SLIT3: variants seen among roughly 807,000 people sequenced by gnomAD.
The protein encoded by SLIT3 is slit guidance ligand 3, also known as slit homolog 3 protein.
Under a neutral mutation model 184.0 loss-of-function variants are expected in SLIT3, and 68 were observed. The observed-to-expected ratio is 0.37, with a 90% CI of 0.30 to 0.45. The LOEUF (loss-of-function observed/expected upper bound fraction) is 0.45, where lower values mean the gene tolerates loss of function less well. Among genes scored for constraint, SLIT3 ranks in the 20% least tolerant of loss-of-function variants. The pLI, the probability that SLIT3 is intolerant of heterozygous loss-of-function variation, is 1.00. For missense variants in SLIT3, 1,707 were observed against 2,026.0 expected (o/e 0.84, Z 3.02); for synonymous variants, 831 against 828.6 (o/e 1.00, Z -0.05).
At chr5:168,963,374 G>A (rs751868858) in intron 4 of SLIT3, among the ~76,000 whole-genome samples, 9 of 152,026 alleles carry the variant, frequency 5.9e-5, no homozygotes, top group South Asian at 2.1e-4. Flanking sequence ...GTTTCTCCAC[G>A]TTGGCCAGGC....
At chr5:168,981,560 G>C (rs1028955432) in intron 4 of SLIT3, among the ~76,000 whole-genome samples, 2 of 152,124 alleles carry the variant, frequency 1.3e-5, no homozygotes, top group Non-Finnish European at 2.9e-5. Context: ...AGCAGACACT[G>C]ATCCTGCCAA....
At chr5:168,975,716 T>TC (rs769075147) in intron 4 of SLIT3, among the ~76,000 whole-genome samples, 3 of 152,220 alleles carry the variant, frequency 2.0e-5, no homozygotes, top group African/African-American at 7.2e-5. Context: ...CCCTGGATTT[T>TC]CCCCTTTGCT....
chr5:168,761,338 C>T (rs762943581), intron 15 of SLIT3, among the ~76,000 whole-genome samples: 1 of 152,186 alleles, frequency 6.6e-6, no homozygotes, highest in Non-Finnish European at 1.5e-5. Flanking sequence ...GCACTTCCCT[C>T]TACCAGGAGC....
intron 3 of SLIT3, among the ~76,000 whole-genome samples, chr5:169,219,324 T>C (rs993264057): frequency 1.3e-5 from 2 of 152,264 alleles, no homozygotes; most frequent in African/African-American, 2.4e-5. Context: ...TATAAGTACA[T>C]TGTAGGTTTT....
chr5:169,160,114 G>A (rs1762431479), intron 4 of SLIT3, among the ~76,000 whole-genome samples: 1 of 152,130 alleles, frequency 6.6e-6, no homozygotes, highest in Non-Finnish European at 1.5e-5. Flanking sequence ...ATTACTAAGG[G>A]GTTTTATGTT....
In SLIT3 at chr5:169,144,266, TC is replaced by T. The variant is rs562265716; in HGVS notation, c.413+49212del. On this transcript the variant is annotated intron_variant, in intron 4 of 35. Transcript: ENST00000519560. ...TCTTCCCTAGGAGCAGAATGCTCCT[TC>T]CCTCCCATGTTTACCTTGCTGAGTT... Among the ~76,000 whole-genome samples the T allele has an allele frequency of 1.1e-3, 167 of 152,294 alleles. 4 individuals are homozygous for T. The highest frequency in any genetic ancestry group is 1.5e-4 in the Non-Finnish European group (10 of 68,020).
intron 4 of SLIT3, among the ~76,000 whole-genome samples, chr5:169,163,736 A>G (rs867177641): frequency 6.6e-6 from 1 of 151,844 alleles, no homozygotes; most frequent in Non-Finnish European, 1.5e-5. Context: ...CAGAGAGCAT[A>G]TCGGGAAATA....
At chr5:169,287,856 C>A (rs1479013444) in intron 1 of SLIT3, among the ~76,000 whole-genome samples, 1 of 152,126 alleles carries the variant, frequency 6.6e-6, no homozygotes, top group Non-Finnish European at 1.5e-5. Context: ...ACAGCCACAG[C>A]ATAGGTCTCC....
intron 4 of SLIT3, among the ~76,000 whole-genome samples, chr5:169,044,462 C>T (rs1164943840): frequency 6.6e-6 from 1 of 151,798 alleles, no homozygotes; most frequent in Non-Finnish European, 1.5e-5. Context: ...TGAAAACATG[C>T]TAAATGATAG....
At chr5:168,891,739 C>T (rs1221795152) in intron 4 of SLIT3, among the ~76,000 whole-genome samples, 3 of 152,170 alleles carry the variant, frequency 2.0e-5, no homozygotes. Context: ...CAAAATGCTA[C>T]AGATGGAGTT....
chr5:169,187,563 T>C (rs1165098408), intron 4 of SLIT3, among the ~76,000 whole-genome samples: 7 of 150,390 alleles, frequency 4.7e-5, no homozygotes, highest in East Asian at 2.0e-4. Flanking sequence ...TTCTTTCTTT[T>C]TTTTTTTTTT....
chr5:169,130,128 T>A (rs1239427309), intron 4 of SLIT3, among the ~76,000 whole-genome samples: 1 of 152,302 alleles, frequency 6.6e-6, no homozygotes. Flanking sequence ...ATTACAGGCA[T>A]GAGCCACCGT....
rs191762765 is a variant in SLIT3 at position 168,827,135 on chromosome 5, T to G, written c.558-3804A>C. On this transcript the variant is annotated intron_variant, in intron 6 of 35. Transcript: ENST00000519560. ...TTTTAATATCACCTCCATTTCATGA[T>G]TGAAGCATGTGGTAGTGCCAAGATT... is the stretch of plus-strand genomic sequence containing the variant. Among the ~76,000 whole-genome samples, 134 of 152,322 alleles carry G rather than the reference T, an allele frequency of 8.8e-4. 1 individual carries two copies. Among genetic ancestry groups the G allele is most frequent in the African/African-American group, 2.9e-3 (122 of 41,576 alleles).
intron 3 of SLIT3, among the ~76,000 whole-genome samples, chr5:169,240,825 T>C (rs1292462391): frequency 6.6e-6 from 1 of 151,674 alleles, no homozygotes; most frequent in Non-Finnish European, 1.5e-5. Context: ...TTTTAATTCA[T>C]ATTTTGTATC....
chr5:169,228,308 C>T (rs997706505), intron 3 of SLIT3, among the ~76,000 whole-genome samples: 24 of 152,028 alleles, frequency 1.6e-4, no homozygotes, highest in Admixed American at 1.4e-3. Flanking sequence ...GCCAAAAAGG[C>T]CTCCCCAGGG....
At chr5:168,765,437 T>C (rs1755307606) in intron 14 of SLIT3, among the ~76,000 whole-genome samples, 1 of 152,196 alleles carries the variant, frequency 6.6e-6, no homozygotes, top group South Asian at 2.1e-4. Flanking sequence ...TGATATTTTA[T>C]ACGAGTGGGA....
At chr5:168,895,018 C>T (rs1321444774) in intron 4 of SLIT3, among the ~76,000 whole-genome samples, 1 of 152,176 alleles carries the variant, frequency 6.6e-6, no homozygotes, top group East Asian at 1.9e-4. Flanking sequence ...GAAACCCTCC[C>T]AGAGGCTGAA....
At chr5:168,838,963 AG>A (rs1479184910) in intron 6 of SLIT3, among the ~76,000 whole-genome samples, 1 of 152,164 alleles carries the variant, frequency 6.6e-6, no homozygotes. Context: ...GAACCAGGGC[AG>A]GTGGGGCGGC....
chr5:169,255,471 G>C (rs1765923490), intron 1 of SLIT3, among the ~76,000 whole-genome samples: 1 of 151,958 alleles, frequency 6.6e-6, no homozygotes. Flanking sequence ...AGTTTAAAAA[G>C]TAAAAAAAGT....
Sources: allele counts gnomAD v4.1 joint callset (sites outside exome capture counted in the v4.1 genomes callset), GRCh38; gene constraint gnomAD v4.1.1; transcripts MANE v1.5; gene names NCBI Gene and HGNC (gene_info 2026-07-23, HGNC 2026-07-21).